OARD1: variants seen among roughly 807,000 people sequenced by gnomAD.
OARD1 encodes the protein O-acyl-ADP-ribose deacylase 1.
A neutral mutation model predicts 19.7 loss-of-function variants in OARD1; 19 were observed. The ratio of observed to expected loss-of-function variants is 0.96; its 90% CI spans 0.67 to 1.41. The LOEUF (loss-of-function observed/expected upper bound fraction) is 1.41. Among genes scored for constraint, OARD1 ranks in the 40% most tolerant of loss-of-function variants. The probability of loss-of-function intolerance (pLI) is 0.00; values close to 1 mark genes in which losing one functional copy is unlikely to be tolerated. For missense variants in OARD1, 190 were observed against 183.8 expected, an observed-to-expected ratio of 1.03 and a Z score of -0.20; for synonymous variants, 70 against 61.8, an observed-to-expected ratio of 1.13 and a Z score of -0.62.
intron 1 of OARD1, among the ~76,000 whole-genome samples, chr6:41,080,218 A>G (rs996830672): frequency 2.0e-5 from 3 of 152,140 alleles, no homozygotes; most frequent in African/African-American, 7.2e-5. Flanking sequence ...GGAGGCTGAG[A>G]CAGGAAGGTT....
At chr6:41,084,763 G>C (rs1417391077) in intron 1 of OARD1, among the ~76,000 whole-genome samples, 1 of 152,222 alleles carries the variant, frequency 6.6e-6, no homozygotes, top group Non-Finnish European at 1.5e-5. Context: ...AGGAGTTCAA[G>C]ACCAGCCTGG....
intron 1 of OARD1, among the ~76,000 whole-genome samples, chr6:41,083,815 G>C (rs1382197031): frequency 5.3e-5 from 8 of 152,222 alleles, no homozygotes; most frequent in Admixed American, 5.2e-4. Context: ...ACTTCTCAAA[G>C]ACTCTGGATA....
At chr6:41,084,026 C>G (rs746317318) in intron 1 of OARD1, 2 of 1,578,142 alleles carry the variant, frequency 1.3e-6, no homozygotes, top group South Asian at 1.2e-5. Flanking sequence ...TTTCATTGTT[C>G]TTATTTTATT....
chr6:41,095,205 A>G (rs1236751888), intron 1 of OARD1, among the ~76,000 whole-genome samples: 1 of 152,118 alleles, frequency 6.6e-6, no homozygotes, highest in Admixed American at 6.5e-5. Context: ...CTGACATCCA[A>G]AGTGCTTACT....
intron 1 of OARD1, among the ~76,000 whole-genome samples, chr6:41,084,816 G>A (rs1041858548): frequency 6.6e-5 from 10 of 152,190 alleles, no homozygotes; most frequent in Non-Finnish European, 1.3e-4. Context: ...TAAAAAATTA[G>A]CCGGGCGTGG....
chr6:41,069,871 C>T (rs1763233110), intron 4 of OARD1: 2 of 633,232 alleles, frequency 3.2e-6, no homozygotes, highest in Admixed American at 2.9e-5. Context: ...GGGATGCAGC[C>T]TCACATTTCT....
At chr6:41,092,128 G>A (rs374514357) in intron 1 of OARD1, among the ~76,000 whole-genome samples, 67 of 152,302 alleles carry the variant, frequency 4.4e-4, no homozygotes, top group African/African-American at 1.4e-3. Context: ...GATTTGGGTG[G>A]TGTAACTGAA....
chr6:41,084,306 T>G (rs1192405315), intron 1 of OARD1: 1 of 1,248,784 alleles, frequency 8.0e-7, no homozygotes, highest in East Asian at 2.5e-5. Flanking sequence ...TAACCCACAT[T>G]TTGCATTCAG....
At chr6:41,088,445 AT>A (rs1764108088) in intron 1 of OARD1, among the ~76,000 whole-genome samples, 1 of 149,930 alleles carries the variant, frequency 6.7e-6, no homozygotes, top group Non-Finnish European at 1.5e-5. Context: ...AAAAAAAAAA[AT>A]TTATTTTATA....
chr6:41,072,275 C>T lies in OARD1; in HGVS notation c.-81G>A. ...GCGAGGACGCAGTCTGTCCTGGGGT[C>T]CTATGGGAGGGTGCGGGGAGGCTCG... On this transcript the variant is annotated 5_prime_UTR_variant, in exon 1 of 6. Transcript: ENST00000424266. 1 of 152,446 alleles carries T rather than the reference C, an allele frequency of 6.6e-6. No homozygotes were observed. The allele number at this position is 152,446 out of a possible 1,614,324, so 9.4% of individuals were successfully genotyped here.
At chr6:41,090,384 A>C in intron 1 of OARD1, 3 of 834,732 alleles carry the variant, frequency 3.6e-6, no homozygotes, top group South Asian at 2.9e-5. Flanking sequence ...ACATCTTTAG[A>C]ATTTGAGTGG....
At chr6:41,091,958 A>G (rs1764209240) in intron 1 of OARD1, among the ~76,000 whole-genome samples, 1 of 152,242 alleles carries the variant, frequency 6.6e-6, no homozygotes, top group African/African-American at 2.4e-5. Flanking sequence ...TTCTTTTCAG[A>G]ATTCAAATAA....
chr6:41,084,132 T>C (rs767187310), intron 1 of OARD1: 3 of 1,614,202 alleles, frequency 1.9e-6, no homozygotes, highest in Non-Finnish European at 2.5e-6. Context: ...AGGCTGTCCC[T>C]GGTGGACAAG....
intron 1 of OARD1, chr6:41,094,443 T>A (rs1303412132): frequency 8.7e-6 from 14 of 1,614,056 alleles, no homozygotes; most frequent in Non-Finnish European, 1.1e-5. Flanking sequence ...CACGGAAGCG[T>A]GGTGAAGGTG....
chr6:41,071,737 G>A (rs1763413657), intron 1 of OARD1, 62 bp from the exon 2 acceptor site: 3 of 938,094 alleles, frequency 3.2e-6, no homozygotes, highest in Admixed American at 1.8e-5. Context: ...TATTCTGATT[G>A]CCCTGTACAA....
intron 3 of OARD1, chr6:41,070,901 G>A: frequency 1.6e-6 from 1 of 609,484 alleles, no homozygotes; most frequent in Non-Finnish European, 2.9e-6. Context: ...GAGAAGTACA[G>A]TAATATCGTC....
At chr6:41,084,800 T>TA (rs1490240288) in intron 1 of OARD1, among the ~76,000 whole-genome samples, 1 of 152,222 alleles carries the variant, frequency 6.6e-6, no homozygotes, top group East Asian at 1.9e-4. Context: ...CCATCTCTAC[T>TA]AAAAATAAAA....
chr6:41,076,924 A>C (rs1763748110), upstream of OARD1, among the ~76,000 whole-genome samples: 1 of 152,226 alleles, frequency 6.6e-6, no homozygotes, highest in African/African-American at 2.4e-5. Context: ...TCTGTCATTA[A>C]TGTGAGAGAG....
chr6:41,095,677 C>T (rs1385434464), intron 1 of OARD1, among the ~76,000 whole-genome samples: 1 of 152,208 alleles, frequency 6.6e-6, no homozygotes, highest in Non-Finnish European at 1.5e-5. Flanking sequence ...GCGATCCTCT[C>T]GCCTTGGCCT....
Sources: allele counts gnomAD v4.1 joint callset (sites outside exome capture counted in the v4.1 genomes callset), GRCh38; gene constraint gnomAD v4.1.1; transcripts MANE v1.5; gene names NCBI Gene and HGNC (gene_info 2026-07-23, HGNC 2026-07-21).